The following COMMD1 variants were observed in gnomAD, a reference collection of about 807,000 sequenced individuals.
COMMD1 encodes copper metabolism domain containing 1, also known as COMM domain-containing protein 1.
Under a neutral mutation model 17.2 loss-of-function variants are expected in COMMD1, and 10 were observed. That is an observed-to-expected ratio of 0.58 (90% CI 0.36 to 0.99). The LOEUF is 0.99. COMMD1 is among the 50% of genes least tolerant of loss of function. COMMD1 has a pLI of 0.01. For missense variants in COMMD1, 270 were observed against 231.8 expected (o/e 1.17, Z -1.07); for synonymous variants, 97 against 91.6 (o/e 1.06, Z -0.34).
At chr2:62,003,607 C>CAT (rs1338411176) in intron 2 of COMMD1, among the ~76,000 whole-genome samples, 2 of 109,624 alleles carry the variant, frequency 1.8e-5, no homozygotes, top group Non-Finnish European at 3.2e-5. Context: ...GATATTTTTA[C>CAT]ACACACACAC....
intron 2 of COMMD1, among the ~76,000 whole-genome samples, chr2:62,047,269 A>T (rs1307072387): frequency 6.6e-6 from 1 of 152,146 alleles, no homozygotes; most frequent in East Asian, 1.9e-4. Context: ...CTGCCTAGTG[A>T]CATTGTAGCT....
chr2:61,971,033 G>T (rs1215954652), intron 1 of COMMD1, among the ~76,000 whole-genome samples: 1 of 151,998 alleles, frequency 6.6e-6, no homozygotes, highest in African/African-American at 2.4e-5. Context: ...CTCAGCCTCC[G>T]GAGTAGCTGG....
rs190605083 is a variant in COMMD1 at position 61,966,087 on chromosome 2, A to G, written c.181-34614A>G. Reference sequence around the variant, plus strand: ...ACTGTTTTGAAATTGTGAATGTTCAATCTTCAGTTGTCATAGGTGTTCTGT... The same window carrying G: ...ACTGTTTTGAAATTGTGAATGTTCAGTCTTCAGTTGTCATAGGTGTTCTGT... On this transcript the variant is annotated intron_variant, in intron 1 of 2. Coordinates refer to ENST00000311832, the MANE Select transcript of COMMD1 (RefSeq NM_152516.4). 1.5e-3 allele frequency among the ~76,000 whole-genome samples: 232 copies of G among 152,334 alleles called. 1 individual carries two copies. Among genetic ancestry groups the G allele is most frequent in the African/African-American group, 4.5e-3 (186 of 41,566 alleles).
chr2:62,008,213 G>A (rs1056970257), intron 2 of COMMD1, among the ~76,000 whole-genome samples: 15 of 152,082 alleles, frequency 9.9e-5, no homozygotes, highest in South Asian at 2.1e-4. Context: ...AATAAAATCA[G>A]TTTATACTGA....
intron 2 of COMMD1, among the ~76,000 whole-genome samples, chr2:62,108,889 A>G (rs1672382392): frequency 6.6e-6 from 1 of 152,198 alleles, no homozygotes; most frequent in African/African-American, 2.4e-5. Flanking sequence ...AATAGCAAAG[A>G]TCTGGCAACA....
intron 1 of COMMD1, among the ~76,000 whole-genome samples, chr2:61,973,271 G>A (rs988573182): frequency 2.0e-5 from 3 of 152,094 alleles, no homozygotes; most frequent in African/African-American, 7.2e-5. Context: ...AGGTTTTTAC[G>A]TTGCAGAGGA....
intron 2 of COMMD1, among the ~76,000 whole-genome samples, chr2:62,125,831 T>C (rs148070070): frequency 0.021 from 3,163 of 152,222 alleles, 118 homozygotes; most frequent in African/African-American, 0.074. Context: ...CATAGGTAAA[T>C]GTGTGCCATG....
chr2:61,940,414 T>G (rs568277634), intron 1 of COMMD1, among the ~76,000 whole-genome samples: 1 of 152,330 alleles, frequency 6.6e-6, no homozygotes, highest in African/African-American at 2.4e-5. Context: ...TTCATAATTC[T>G]GTTAAACTGT....
intron 2 of COMMD1, among the ~76,000 whole-genome samples, chr2:62,078,240 A>C (rs1387404645): frequency 2.2e-4 from 14 of 62,962 alleles, no homozygotes; most frequent in Non-Finnish European, 6.4e-5. Context: ...ACACCAATGC[A>C]AAAAAAAAAA....
At chr2:62,099,156 A>T (rs1672102804) in intron 2 of COMMD1, among the ~76,000 whole-genome samples, 1 of 152,210 alleles carries the variant, frequency 6.6e-6, no homozygotes, top group South Asian at 2.1e-4. Context: ...AAGGAAGTTC[A>T]GAGAGAGCAG....
At chr2:62,091,732 A>G (rs1279597007) in intron 2 of COMMD1, among the ~76,000 whole-genome samples, 3 of 152,218 alleles carry the variant, frequency 2.0e-5, no homozygotes, top group African/African-American at 7.2e-5. Context: ...TTATTTGGGC[A>G]GGCCATGCTA....
At chr2:62,011,289 G>C (rs1005266647) in intron 2 of COMMD1, among the ~76,000 whole-genome samples, 2 of 152,186 alleles carry the variant, frequency 1.3e-5, no homozygotes, top group Non-Finnish European at 1.5e-5. Context: ...GTACATGTCT[G>C]TGAAAACACC....
rs1670203022 is a variant in COMMD1, at chr2:62,041,621, G to GCTCAAGCCATCTGC, written c.462+40643_462+40656dup. Among the ~76,000 whole-genome samples, 6 of 152,274 alleles carry GCTCAAGCCATCTGC rather than the reference G, an allele frequency of 3.9e-5. No homozygotes were observed. In the South Asian group the frequency reaches 1.2e-3, roughly 32 times the overall value. ...GCCCAAGCTGGTCTTGAGCTCCTGA[G>GCTCAAGCCATCTGC]CTCAAGCCATCTGCCTCCCTGTCCT... On this transcript the variant is annotated intron_variant, in intron 2 of 2. Coordinates refer to ENST00000311832, the MANE Select transcript of COMMD1 (RefSeq NM_152516.4).
At chr2:62,041,054 A>G (rs1200638050) in intron 2 of COMMD1, among the ~76,000 whole-genome samples, 2 of 151,978 alleles carry the variant, frequency 1.3e-5, no homozygotes, top group African/African-American at 2.4e-5. Context: ...ACACTGCTGT[A>G]CTCTACCCCC....
chr2:62,132,038 A>C (rs1296442318), intron 2 of COMMD1, among the ~76,000 whole-genome samples: 1 of 151,812 alleles, frequency 6.6e-6, no homozygotes, highest in African/African-American at 2.4e-5. Flanking sequence ...ACAGGTGCCC[A>C]CCACCAAGCC....
At chr2:62,135,258 T>C (rs1269299140) in intron 2 of COMMD1, among the ~76,000 whole-genome samples, 1 of 152,156 alleles carries the variant, frequency 6.6e-6, no homozygotes, top group Non-Finnish European at 1.5e-5. Flanking sequence ...TCCAATGAGA[T>C]GACAAAGAGG....
At chr2:61,903,988 T>C (rs1443858476), upstream of COMMD1, among the ~76,000 whole-genome samples, 4 of 152,160 alleles carry the variant, frequency 2.6e-5, no homozygotes, top group Non-Finnish European at 4.4e-5. Context: ...CTATTTTATA[T>C]AGAAACACAA....
intron 1 of COMMD1, among the ~76,000 whole-genome samples, chr2:61,933,573 G>A (rs1476958103): frequency 6.6e-6 from 1 of 151,802 alleles, no homozygotes; most frequent in Non-Finnish European, 1.5e-5. Flanking sequence ...AGAGAGACCT[G>A]AGCTGCCATG....
intron 2 of COMMD1, among the ~76,000 whole-genome samples, chr2:62,081,366 C>T (rs554983081): frequency 6.6e-6 from 1 of 152,084 alleles, no homozygotes; most frequent in East Asian, 1.9e-4. Context: ...ATTCTCCTGC[C>T]TCAGCCTCCC....
Sources: gnomAD v4.1 joint callset for allele counts (sites outside exome capture counted in the v4.1 genomes callset) on GRCh38, gnomAD v4.1.1 for gene constraint, MANE v1.5 for transcripts, NCBI Gene and HGNC (gene_info 2026-07-23, HGNC 2026-07-21) for gene names.